SPAG16: variants seen among roughly 807,000 people sequenced by gnomAD.
The protein encoded by SPAG16 is sperm-associated antigen 16 protein.
SPAG16 carries 86 observed loss-of-function variants against 80.4 expected under a neutral mutation model. The observed-to-expected ratio is 1.07, with a 90% CI of 0.90 to 1.28. SPAG16 has a LOEUF of 1.28. Ranked by LOEUF, SPAG16 falls within the 50% of genes most tolerant of loss-of-function variation. The pLI is 0.00. For synonymous variants in SPAG16, 294 were observed against 265.9 expected, an observed-to-expected ratio of 1.11 and a Z score of -1.03; for missense variants, 870 against 765.3, an observed-to-expected ratio of 1.14 and a Z score of -1.61.
intron 10 of SPAG16, among the ~76,000 whole-genome samples, chr2:213,646,934 A>G (rs1046701102): frequency 1.3e-5 from 2 of 152,238 alleles, no homozygotes; most frequent in Non-Finnish European, 2.9e-5. Context: ...ATGACACACA[A>G]CAGCATGCAT....
At chr2:214,189,953 T>C (rs1261582075) in intron 15 of SPAG16, among the ~76,000 whole-genome samples, 1 of 152,072 alleles carries the variant, frequency 6.6e-6, no homozygotes, top group African/African-American at 2.4e-5. Flanking sequence ...TGGAAAAAAA[T>C]TGAATGAATA....
At chr2:213,914,094 A>G (rs2077833131) in intron 11 of SPAG16, among the ~76,000 whole-genome samples, 1 of 152,158 alleles carries the variant, frequency 6.6e-6, no homozygotes, top group Non-Finnish European at 1.5e-5. Flanking sequence ...GCATAAAATT[A>G]GCTATCACCA....
intron 10 of SPAG16, among the ~76,000 whole-genome samples, chr2:213,627,838 A>G (rs1426495375): frequency 6.6e-6 from 1 of 152,230 alleles, no homozygotes; most frequent in Non-Finnish European, 1.5e-5. Flanking sequence ...ATTGAAGTCA[A>G]GGTCTTTGGT....
intron 10 of SPAG16, among the ~76,000 whole-genome samples, chr2:213,713,987 A>G (rs1447706892): frequency 6.6e-6 from 1 of 152,216 alleles, no homozygotes; most frequent in Admixed American, 6.5e-5. Flanking sequence ...AAAGTTCTAT[A>G]ACATGAGAAA....
chr2:214,180,690 A>G (rs180723268), intron 15 of SPAG16, among the ~76,000 whole-genome samples: 8 of 151,854 alleles, frequency 5.3e-5, no homozygotes, highest in Admixed American at 1.3e-4. Context: ...TGGAGTTAAG[A>G]CACCTAGACA....
At chr2:214,169,139 G>A (rs76774218) in intron 15 of SPAG16, among the ~76,000 whole-genome samples, 148 of 152,024 alleles carry the variant, frequency 9.7e-4, no homozygotes, top group Non-Finnish European at 1.0e-3. Flanking sequence ...GTTATATCAC[G>A]TAACTCATAA....
chr2:214,402,873 C>A (rs1034564434), intron 15 of SPAG16, among the ~76,000 whole-genome samples: 12 of 151,800 alleles, frequency 7.9e-5, no homozygotes, highest in African/African-American at 1.2e-4. Flanking sequence ...TAAAATATTT[C>A]TTTTACTTAT....
intron 11 of SPAG16, among the ~76,000 whole-genome samples, chr2:213,901,042 G>A (rs2077200644): frequency 6.6e-6 from 1 of 152,182 alleles, no homozygotes; most frequent in Non-Finnish European, 1.5e-5. Flanking sequence ...AAATTTAGAA[G>A]GCTTGATAGC....
chr2:213,839,089 A>G (rs151216555), intron 10 of SPAG16, among the ~76,000 whole-genome samples: 4 of 152,220 alleles, frequency 2.6e-5, no homozygotes, highest in Non-Finnish European at 4.4e-5. Flanking sequence ...GGAAAAGCCA[A>G]TCCTCAGAGA....
intron 15 of SPAG16, among the ~76,000 whole-genome samples, chr2:214,253,665 A>C (rs1343987982): frequency 1.3e-5 from 2 of 151,870 alleles, no homozygotes; most frequent in African/African-American, 4.8e-5. Context: ...TGATCTATAT[A>C]TCTGTTTTGA....
At chr2:213,708,789 A>G (rs1254628698) in intron 10 of SPAG16, among the ~76,000 whole-genome samples, 2 of 152,122 alleles carry the variant, frequency 1.3e-5, no homozygotes, top group Non-Finnish European at 2.9e-5. Context: ...CCATCCAAAA[A>G]GGGGGGAAAA....
intron 6 of SPAG16, among the ~76,000 whole-genome samples, chr2:213,347,350 T>G (rs566433604): frequency 2.3e-4 from 35 of 152,322 alleles, no homozygotes; most frequent in African/African-American, 8.2e-4. Context: ...CTGGATTCAT[T>G]GATATTTTGA....
At chr2:214,053,965 A>G (rs1472873754) in intron 13 of SPAG16, among the ~76,000 whole-genome samples, 5 of 152,184 alleles carry the variant, frequency 3.3e-5, no homozygotes, top group Non-Finnish European at 7.4e-5. Flanking sequence ...TAATAATAGG[A>G]CAATGAAATA....
chr2:213,386,761 T>C (rs2067450251), intron 9 of SPAG16, among the ~76,000 whole-genome samples: 1 of 152,214 alleles, frequency 6.6e-6, no homozygotes, highest in African/African-American at 2.4e-5. Flanking sequence ...TTGTGAACAT[T>C]AGGGAAGCCA....
chr2:214,167,995 T>TC (rs1269255810), intron 15 of SPAG16, among the ~76,000 whole-genome samples: 6 of 96,422 alleles, frequency 6.2e-5, no homozygotes, highest in South Asian at 3.1e-4. Context: ...TCTTTTTCTC[T>TC]TTTTTTTTTT....
At chr2:213,752,137 C>T (rs1299213526) in intron 10 of SPAG16, among the ~76,000 whole-genome samples, 2 of 152,090 alleles carry the variant, frequency 1.3e-5, no homozygotes, top group East Asian at 1.9e-4. Flanking sequence ...GAATAACACA[C>T]GTATTCCAAC....
intron 6 of SPAG16, among the ~76,000 whole-genome samples, chr2:213,345,107 TG>T (rs2064903561): frequency 4.2e-5 from 3 of 70,990 alleles, no homozygotes; most frequent in African/African-American, 1.5e-4. Context: ...ATTGTGGTTT[TG>T]ATTTGCATTT....
chr2:213,387,789 G>GA (rs1455767199), intron 9 of SPAG16, among the ~76,000 whole-genome samples: 1 of 151,842 alleles, frequency 6.6e-6, no homozygotes, highest in Non-Finnish European at 1.5e-5. Context: ...CTTCCCTAGT[G>GA]AAAAAATATT....
intron 13 of SPAG16, among the ~76,000 whole-genome samples, chr2:214,017,086 C>A (rs1404136547): frequency 1.3e-5 from 2 of 152,002 alleles, no homozygotes; most frequent in Non-Finnish European, 2.9e-5. Flanking sequence ...GGTAGAGCTA[C>A]CCATGTCTTG....
Sources: allele counts gnomAD v4.1 joint callset (sites outside exome capture counted in the v4.1 genomes callset), GRCh38; gene constraint gnomAD v4.1.1; transcripts MANE v1.5; gene names NCBI Gene and HGNC (gene_info 2026-07-23, HGNC 2026-07-21).